Variants in FAT4 observed in about 807,000 individuals in gnomAD.
The protein encoded by FAT4 is FAT atypical cadherin 4.
FAT4 carries 84 observed loss-of-function variants against 303.9 expected under a neutral mutation model. The ratio of observed to expected loss-of-function variants is 0.28; its 90% CI spans 0.23 to 0.33. The LOEUF (loss-of-function observed/expected upper bound fraction) is 0.33. FAT4 is among the 10% of genes least tolerant of loss of function. The pLI, the probability that FAT4 is intolerant of heterozygous loss-of-function variation, is 1.00. For synonymous variants in FAT4, 2,307 were observed against 2,298.8 expected (o/e 1.00, Z -0.10); for missense variants, 6,005 against 6,146.8 (o/e 0.98, Z 0.77).
chr4:125,335,221 T>C (rs1731524663), intron 2 of FAT4, among the ~76,000 whole-genome samples: 1 of 152,194 alleles, frequency 6.6e-6, no homozygotes, highest in Non-Finnish European at 1.5e-5. Context: ...TCAGCAGTTT[T>C]CTCTTTGTTT....
rs1014593243 is a variant in FAT4, at chr4:125,319,451, C to G, written c.3040C>G (p.Arg1014Gly). The change falls in exon 2 of 18, where the codon CGA becomes GGA. Residue 1014 changes from arginine (R) to glycine (G), a missense_variant. Physicochemically the swap from Arg to Gly is moderately radical, Grantham distance 125. Transcript: ENST00000394329. ...TTCTGAGTCAGAACCTGTGAATTCT[C>G]GATTCTTTAAAGTACAAGCTTCTGA... is the stretch of plus-strand genomic sequence containing the variant. Reference protein sequence around the residue: ...TLSESEPVNSRFFKVQASDKD... With the variant: ...TLSESEPVNSGFFKVQASDKD... 3 of 1,613,412 alleles carry G rather than the reference C, an allele frequency of 1.9e-6. No homozygotes were observed. Among genetic ancestry groups the G allele is most frequent in the African/African-American group, 2.7e-5 (2 of 74,880 alleles).
chr4:125,395,412 C>G (rs1378377012), intron 2 of FAT4, among the ~76,000 whole-genome samples: 1 of 152,084 alleles, frequency 6.6e-6, no homozygotes, highest in Admixed American at 6.6e-5. Context: ...TGGGTTCAAG[C>G]GATTCTCCTG....
Position 125,449,822 on chromosome 4 carries a change from C to G in FAT4, c.8812C>G (p.Gln2938Glu). The change falls in exon 10 of 18, where the codon CAA becomes GAA. Residue 2938 changes from glutamine (Q) to glutamate (E), a missense_variant. Coordinates refer to ENST00000394329, the MANE Select transcript of FAT4 (RefSeq NM_001291303.3). The stretch of plus-strand genomic sequence containing the variant: ...TTTCAATAAACAGATCTTAAAATAC[C>G]AAAATGTCACTGGCTTCAGTAATGT... Reference protein sequence around the residue: ...EIFNKQILKYQNVTGFSNVNI... With the variant: ...EIFNKQILKYENVTGFSNVNI... 6.2e-7 allele frequency: 1 copy of G among 1,613,720 alleles called. No homozygotes were observed. The highest frequency in any genetic ancestry group is 8.5e-7 in the Non-Finnish European group (1 of 1,179,814).
At chr4:125,422,451 C>G (rs1422136206) in intron 7 of FAT4, among the ~76,000 whole-genome samples, 1 of 152,176 alleles carries the variant, frequency 6.6e-6, no homozygotes, top group African/African-American at 2.4e-5. Flanking sequence ...TACCTCCATG[C>G]TGTTCTCCTG....
chr4:125,407,147 T>G lies in FAT4; in HGVS notation c.5569+6T>G. 4 of 1,607,374 alleles carry G rather than the reference T, an allele frequency of 2.5e-6. No homozygotes were observed. Among genetic ancestry groups the G allele is most frequent in the Non-Finnish European group, 3.4e-6 (4 of 1,174,666 alleles). On this transcript the variant is annotated splice_donor_region_variant and intron_variant, in intron 4 of 17. Transcript: ENST00000394329. Reference sequence around the variant, plus strand: ...TCCTGAGGACACAATCCCTGGTAGGTGATGGGTCTCTTATGTGTATTTTGC... The same window carrying G: ...TCCTGAGGACACAATCCCTGGTAGGGGATGGGTCTCTTATGTGTATTTTGC...
Position 125,415,069 on chromosome 4 carries a change from C to G in FAT4, c.6106C>G (p.Gln2036Glu). Residue 2036 changes from glutamine to glutamate, a missense_variant, in exon 6 of 18, where the codon CAA becomes GAA. Gln to Glu is a conservative substitution (Grantham distance 29, BLOSUM62 2). Coordinates refer to ENST00000394329, the MANE Select transcript of FAT4 (RefSeq NM_001291303.3). Reference protein sequence around the residue: ...IPASRFTSTAQVSIILLDVND... With the variant: ...IPASRFTSTAEVSIILLDVND... ...AGCCTCCAGATTCACAAGCACTGCT[C>G]AAGTCTCCATTATTTTGTTGGATGT... 6.2e-7 allele frequency: 1 copy of G among 1,614,044 alleles called. No individual in the cohort carries two copies. The highest frequency in any genetic ancestry group is 8.5e-7 in the Non-Finnish European group (1 of 1,179,960).
intron 16 of FAT4, 111 bp downstream of exon 16, chr4:125,481,849 C>T (rs1300888619): frequency 1.5e-5 from 13 of 864,708 alleles, no homozygotes; most frequent in Non-Finnish European, 2.2e-5. Context: ...ATTAGAGTTC[C>T]GACTAATGCT....
Position 125,315,858 on chromosome 4 carries a change from A to G in FAT4, c.-132A>G, listed in dbSNP as rs566926139. On this transcript the variant is annotated 5_prime_UTR_variant, in exon 1 of 18. Coordinates refer to ENST00000394329, the MANE Select transcript of FAT4 (RefSeq NM_001291303.3). ...TTTTTGAGGAGTGGGGACTCCAGGA[A>G]TTCCATCGCCTCCAGCTTTTGGGAA... 6.6e-6 allele frequency among the ~76,000 whole-genome samples: 1 copy of G among 152,234 alleles called. No individual in the cohort carries two copies. The highest frequency in any genetic ancestry group is 6.5e-5 in the Admixed American group (1 of 15,302).
chr4:125,353,620 T>C (rs892769975), intron 2 of FAT4, among the ~76,000 whole-genome samples: 9 of 151,682 alleles, frequency 5.9e-5, no homozygotes, highest in African/African-American at 1.9e-4. Flanking sequence ...CACGGTTACA[T>C]TGATAAACTA....
rs1030938735 is a variant in FAT4, at chr4:125,316,990, G to A, written c.579G>A (p.Pro193=). The A allele has an allele frequency of 3.1e-6, 5 of 1,613,968 alleles. No individual in the cohort carries two copies. Among genetic ancestry groups the A allele is most frequent in the Non-Finnish European group, 2.5e-6 (3 of 1,180,026 alleles). The change falls in exon 2 of 18, where the codon CCG becomes CCA. Residue 193 remains proline (P), a synonymous_variant. Transcript: ENST00000394329. The surrounding 1 kb of genome is among the most constrained non-coding windows in gnomAD (Gnocchi z 5.7). The part of the protein sequence containing the change: ...GRFRLDITLN[P]SGEGAFLHLV... The stretch of plus-strand genomic sequence containing the variant: ...TCCGTCTGGACATCACCCTGAACCC[G>A]AGCGGCGAGGGAGCGTTCCTGCATC...
intron 13 of FAT4, 140 bp downstream of exon 13, chr4:125,476,396 T>C (rs1012590866): frequency 2.5e-5 from 9 of 362,434 alleles, no homozygotes; most frequent in African/African-American, 1.7e-4. Flanking sequence ...TTTCATAATA[T>C]AAAATAGTCA....
At chr4:125,333,065 T>A (rs1368621983) in intron 2 of FAT4, among the ~76,000 whole-genome samples, 1 of 152,086 alleles carries the variant, frequency 6.6e-6, no homozygotes, top group Non-Finnish European at 1.5e-5. Context: ...AACAAAGAGA[T>A]ACAATATTTA....
At position 125,320,758 on chromosome 4, in the gene FAT4, A is replaced by G. The variant is rs1730905325; in HGVS notation, c.4347A>G (p.Ala1449=). 6.2e-7 allele frequency: 1 copy of G among 1,614,056 alleles called. No homozygotes were observed. Among genetic ancestry groups the G allele is most frequent in the Non-Finnish European group, 8.5e-7 (1 of 1,180,018 alleles). The change falls in exon 2 of 18, where the codon GCA becomes GCG. Residue 1449 remains alanine (A), a synonymous_variant. Coordinates refer to ENST00000394329, the MANE Select transcript of FAT4 (RefSeq NM_001291303.3). ...CAGTGACTGCACATGACCCTGATGC[A>G]GACATTAATGGTCAACTATCCTACA... ...VISVTAHDPD[A]DINGQLSYTI...
intron 3 of FAT4, among the ~76,000 whole-genome samples, chr4:125,401,437 G>T (rs28398964): frequency 0.045 from 6,833 of 151,568 alleles, 510 homozygotes; most frequent in African/African-American, 0.16. Context: ...TTCAAATCCT[G>T]GCTCTGTTTT....
chr4:125,461,850 T>C (rs2126070011), intron 10 of FAT4, among the ~76,000 whole-genome samples: 1 of 151,990 alleles, frequency 6.6e-6, no homozygotes, highest in African/African-American at 2.4e-5. Flanking sequence ...CTTCACATAA[T>C]CAGTTGAAAA....
intron 7 of FAT4, 151 bp downstream of exon 7, chr4:125,416,773 C>G (rs1735091550): frequency 6.0e-6 from 4 of 665,914 alleles, no homozygotes; most frequent in Non-Finnish European, 1.0e-5. Context: ...TGGTGAAACC[C>G]CATCACTACT....
intron 2 of FAT4, among the ~76,000 whole-genome samples, chr4:125,357,211 T>A (rs1732464973): frequency 6.6e-6 from 1 of 152,086 alleles, no homozygotes; most frequent in Non-Finnish European, 1.5e-5. Context: ...TTGAAACCTT[T>A]TAGGGAGTTA....
In FAT4 at chr4:125,405,773, A is replaced by T. The variant is rs1481561265; in HGVS notation, c.5308-1107A>T. On this transcript the variant is annotated intron_variant, in intron 3 of 17. Transcript: ENST00000394329. ...CACCTTAGCCTCCCAAAGTGCTGGG[A>T]TTACAGGTGTGAGCCACCACGCCTG... 5.3e-5 allele frequency among the ~76,000 whole-genome samples: 8 copies of T among 151,988 alleles called. No homozygotes were observed. In the East Asian group the frequency reaches 1.5e-3, roughly 29 times the overall value.
In FAT4 at chr4:125,481,420, G is replaced by T. The variant is rs538182853; in HGVS notation, c.12605-101G>T. 1.2e-4 allele frequency: 115 copies of T among 979,004 alleles called. No homozygotes were observed. In the African/African-American group the frequency reaches 1.7e-3, roughly 15 times the overall value. 60.6% of individuals were successfully genotyped at this position (979,004 alleles called of 1,614,324 possible). A position where few individuals can be genotyped will look rare whatever the true frequency, so the allele number is the denominator to read the frequency against. On this transcript the variant is annotated intron_variant, in intron 15 of 17. Coordinates refer to ENST00000394329, the MANE Select transcript of FAT4 (RefSeq NM_001291303.3). Reference sequence around the variant, plus strand: ...GTTGGGGGACATTAATTCCCAAAACGACATTTTCATTGTCCTTTTTATATT... The same window carrying T: ...GTTGGGGGACATTAATTCCCAAAACTACATTTTCATTGTCCTTTTTATATT...
Sources: gnomAD v4.1 joint callset for allele counts (sites outside exome capture counted in the v4.1 genomes callset) on GRCh38, gnomAD v4.1.1 for gene constraint, Gnocchi (gnomAD v3.1) non-coding constraint, MANE v1.5 for transcripts, NCBI Gene and HGNC (gene_info 2026-07-23, HGNC 2026-07-21) for gene names.